Variants in GLRA2 observed in about 807,000 individuals in gnomAD.
GLRA2 encodes glycine receptor subunit alpha-2.
A neutral mutation model predicts 31.6 loss-of-function variants in GLRA2; 11 were observed. The observed-to-expected ratio is 0.35, with a 90% confidence interval of 0.22 to 0.58. GLRA2 has a LOEUF of 0.58. Among genes scored for constraint, GLRA2 ranks in the 20% least tolerant of loss-of-function variants. The probability of loss-of-function intolerance (pLI) is 0.84; values close to 1 mark genes in which losing one functional copy is unlikely to be tolerated. For missense variants in GLRA2, 212 were observed against 351.8 expected (o/e 0.60, Z 3.18); for synonymous variants, 132 against 134.0 (o/e 0.99, Z 0.10).
intron 7 of GLRA2, among the ~76,000 whole-genome samples, chrX:14,687,214 T>G (rs770187311): frequency 2.5e-4 from 28 of 112,189 alleles, no homozygotes; most frequent in Admixed American, 2.4e-3. Flanking sequence ...TAACCCGACC[T>G]TTCTCTTTGG....
intron 7 of GLRA2, among the ~76,000 whole-genome samples, chrX:14,678,459 G>A (rs936776560): frequency 3.6e-5 from 4 of 111,366 alleles, no homozygotes; most frequent in African/African-American, 1.3e-4. Flanking sequence ...TGACATCTTT[G>A]GAATGGAGAG....
intron 2 of GLRA2, among the ~76,000 whole-genome samples, chrX:14,574,116 A>G (rs183548571): frequency 8.9e-6 from 1 of 112,383 alleles, no homozygotes; most frequent in East Asian, 2.8e-4. Context: ...ATATTTTCCA[A>G]ATCCAAAACT....
the GLRA2 span, among the ~76,000 whole-genome samples, chrX:14,461,785 G>T: frequency 8.9e-6 from 1 of 111,929 alleles, no homozygotes; most frequent in Non-Finnish European, 1.9e-5. Context: ...ACACTGATGG[G>T]TCTTGACTCT....
At chrX:14,514,021 G>A in the GLRA2 span, among the ~76,000 whole-genome samples, 52 of 112,317 alleles carry the variant, frequency 4.6e-4, no homozygotes, top group African/African-American at 8.7e-4. Flanking sequence ...CTGCTCAAAT[G>A]CCCATCAGTA....
chrX:14,671,039 C>T (rs2091087275), intron 7 of GLRA2, among the ~76,000 whole-genome samples: 1 of 111,787 alleles, frequency 8.9e-6, no homozygotes, highest in South Asian at 3.7e-4. Flanking sequence ...AAATTTAAAA[C>T]TAGCTGTGCA....
At chrX:14,468,001 T>G in the GLRA2 span, among the ~76,000 whole-genome samples, 3 of 111,839 alleles carry the variant, frequency 2.7e-5, no homozygotes, top group Non-Finnish European at 3.8e-5. Flanking sequence ...CCAAATGTTC[T>G]AAGGCGTGAG....
chrX:14,579,533 C>A (rs1244356219), intron 3 of GLRA2, among the ~76,000 whole-genome samples: 1 of 111,096 alleles, frequency 9.0e-6, no homozygotes, highest in East Asian at 2.8e-4. Context: ...TTTCACCATG[C>A]TGGCCAGGCT....
chrX:14,684,384 T>C (rs896132500), intron 7 of GLRA2, among the ~76,000 whole-genome samples: 6 of 111,943 alleles, frequency 5.4e-5, no homozygotes, highest in Admixed American at 9.5e-5. Flanking sequence ...GGGGATGGCA[T>C]TGAATCTATA....
At chrX:14,555,624 T>C (rs2089631946) in intron 2 of GLRA2, among the ~76,000 whole-genome samples, 2 of 112,265 alleles carry the variant, frequency 1.8e-5, no homozygotes, top group Non-Finnish European at 3.8e-5. Flanking sequence ...GTCATAATTT[T>C]CTCATTCTGT....
At chrX:14,646,933 G>T (rs924596551) in intron 7 of GLRA2, among the ~76,000 whole-genome samples, 2 of 111,917 alleles carry the variant, frequency 1.8e-5, no homozygotes, top group Admixed American at 9.5e-5. Flanking sequence ...CCTTGTAAAA[G>T]ACAGTGACAA....
chrX:14,553,167 G>C (rs1162548169), intron 2 of GLRA2, among the ~76,000 whole-genome samples: 1 of 112,014 alleles, frequency 8.9e-6, no homozygotes, highest in African/African-American at 3.2e-5. Flanking sequence ...TCCGGACATA[G>C]AACAGTTTCT....
At chrX:14,493,504 C>CAT in the GLRA2 span, among the ~76,000 whole-genome samples, 519 of 101,166 alleles carry the variant, frequency 5.1e-3, 5 homozygotes, top group African/African-American at 0.011. Flanking sequence ...TAAGGCTGAA[C>CAT]ATATATATAT....
At chrX:14,593,403 C>A (rs898946965) in intron 4 of GLRA2, among the ~76,000 whole-genome samples, 2 of 111,901 alleles carry the variant, frequency 1.8e-5, no homozygotes, top group Non-Finnish European at 3.8e-5. Context: ...ACTCTCAGAG[C>A]AAAGCCATCT....
intron 7 of GLRA2, among the ~76,000 whole-genome samples, chrX:14,648,265 A>AAAT (rs900763428): frequency 2.7e-5 from 3 of 112,159 alleles, no homozygotes; most frequent in African/African-American, 9.7e-5. Flanking sequence ...ATGAACATTT[A>AAAT]AATAAATAAT....
At chrX:14,688,535 C>A (rs964726660) in intron 7 of GLRA2, among the ~76,000 whole-genome samples, 1 of 111,470 alleles carries the variant, frequency 9.0e-6, no homozygotes, top group African/African-American at 3.3e-5. Flanking sequence ...TGCTGCCTTG[C>A]AGTTCGATCT....
chrX:14,530,034 T>A lies in GLRA2; in HGVS notation c.-24T>A. On this transcript the variant is annotated 5_prime_UTR_variant, in exon 1 of 9. Transcript: ENST00000218075. ...TTTCTGGAATCATTTCGGGATATTT[T>A]CCACAAGCAACACAGAAACAGGAAT... is the stretch of plus-strand genomic sequence containing the variant. The A allele has an allele frequency of 1.8e-6, 2 of 1,134,101 alleles. No homozygotes were observed. Among genetic ancestry groups the A allele is most frequent in the Non-Finnish European group, 2.4e-6 (2 of 824,443 alleles). The allele number at this position is 1,134,101 out of a possible 1,213,427, so 93.5% of individuals were successfully genotyped here.
chrX:14,523,402 C>T, the GLRA2 span, among the ~76,000 whole-genome samples: 13 of 112,064 alleles, frequency 1.2e-4, no homozygotes, highest in Admixed American at 9.5e-4. Context: ...TCAGCGATAA[C>T]GCAGTTTCAC....
At chrX:14,473,836 C>T in the GLRA2 span, among the ~76,000 whole-genome samples, 1 of 112,011 alleles carries the variant, frequency 8.9e-6, no homozygotes, top group Non-Finnish European at 1.9e-5. Context: ...AAAATAAAAT[C>T]TTTCCAAATT....
intron 2 of GLRA2, among the ~76,000 whole-genome samples, chrX:14,547,985 A>G (rs1252216742): frequency 8.9e-6 from 1 of 112,165 alleles, no homozygotes; most frequent in Non-Finnish European, 1.9e-5. Context: ...GATAACACTA[A>G]TCCTTAATCT....
Sources: allele counts gnomAD v4.1 joint callset (sites outside exome capture counted in the v4.1 genomes callset), GRCh38; gene constraint gnomAD v4.1.1; transcripts MANE v1.5; gene names NCBI Gene and HGNC (gene_info 2026-07-23, HGNC 2026-07-21).